The following ULK4 variants were observed in gnomAD, a reference collection of about 807,000 sequenced individuals.
ULK4 encodes inactive serine/threonine-protein kinase ULK4.
ULK4 carries 133 observed loss-of-function variants against 160.6 expected under a neutral mutation model. That is an observed-to-expected ratio of 0.83 (90% CI 0.72 to 0.96). The LOEUF (loss-of-function observed/expected upper bound fraction) is 0.96. Ranked by LOEUF, ULK4 falls within the 40% of genes least tolerant of loss-of-function variation. ULK4 has a pLI of 0.00. For synonymous variants in ULK4, 534 were observed against 539.8 expected, an observed-to-expected ratio of 0.99 and a Z score of 0.15; for missense variants, 1,580 against 1,499.5, an observed-to-expected ratio of 1.05 and a Z score of -0.89.
chr3:41,609,678 A>G (rs1240259388), intron 31 of ULK4, among the ~76,000 whole-genome samples: 1 of 152,220 alleles, frequency 6.6e-6, no homozygotes, highest in Non-Finnish European at 1.5e-5. Flanking sequence ...TTTTAATCAT[A>G]TCTTGTTCTC....
At chr3:41,598,794 T>C (rs2031865243) in intron 31 of ULK4, among the ~76,000 whole-genome samples, 1 of 152,220 alleles carries the variant, frequency 6.6e-6, no homozygotes, top group Admixed American at 6.5e-5. Flanking sequence ...TAGTAAGTGG[T>C]ATTATGTAAG....
intron 17 of ULK4, among the ~76,000 whole-genome samples, chr3:41,851,406 C>G (rs1352679579): frequency 6.6e-6 from 1 of 152,284 alleles, no homozygotes; most frequent in South Asian, 2.1e-4. Context: ...TTGAACCAGC[C>G]TTGCATCCCA....
chr3:41,646,323 A>G (rs140598674), intron 30 of ULK4, among the ~76,000 whole-genome samples: 6,517 of 152,218 alleles, frequency 0.043, 301 homozygotes, highest in African/African-American at 0.11. Flanking sequence ...TTTTGCAGCG[A>G]CTGGTACTGG....
At chr3:41,336,590 G>C (rs1487570) in intron 35 of ULK4, among the ~76,000 whole-genome samples, 1 of 152,356 alleles carries the variant, frequency 6.6e-6, no homozygotes, top group East Asian at 1.9e-4. Flanking sequence ...CAAAGGCGCA[G>C]AAGAAGAAAC....
chr3:41,659,678 A>G (rs2035075488), intron 30 of ULK4, among the ~76,000 whole-genome samples: 1 of 152,136 alleles, frequency 6.6e-6, no homozygotes, highest in Admixed American at 6.5e-5. Flanking sequence ...ATATTAAAAA[A>G]AAAAAAAGTT....
intron 32 of ULK4, among the ~76,000 whole-genome samples, chr3:41,548,271 A>G (rs908404386): frequency 6.6e-6 from 1 of 152,010 alleles, no homozygotes; most frequent in Non-Finnish European, 1.5e-5. Context: ...GGTCATTTCA[A>G]TATGTCTGTT....
At position 41,548,292 on chromosome 3, in the gene ULK4, C is replaced by T. The variant is rs530811468; in HGVS notation, c.3226+17733G>A. ...TTCAATATGTCTGTTGCCCCAGACA[C>T]ACATACACATCAGGAGGCCTGACAC... On this transcript the variant is annotated intron_variant, in intron 32 of 36. Transcript: ENST00000301831. 5.9e-5 allele frequency among the ~76,000 whole-genome samples: 9 copies of T among 152,224 alleles called. No individual in the cohort carries two copies. The East Asian group carries it at 1.7e-3, about 29-fold the overall frequency.
chr3:41,358,059 C>T (rs1292436835), intron 35 of ULK4, among the ~76,000 whole-genome samples: 1 of 152,190 alleles, frequency 6.6e-6, no homozygotes, highest in Non-Finnish European at 1.5e-5. Flanking sequence ...CAGGTTCAAA[C>T]TTGGCAACTT....
chr3:41,705,064 C>T lies in ULK4; in HGVS notation c.2774G>A (p.Arg925His), dbSNP rs200021756. 5.8e-5 allele frequency: 93 copies of T among 1,610,024 alleles called. No individual in the cohort carries two copies. Among genetic ancestry groups the T allele is most frequent in the Non-Finnish European group, 7.5e-5 (88 of 1,178,826 alleles). ...IQYPILLKDYRSTVVDYILPP... is the reference protein window; with the variant it reads ...IQYPILLKDYHSTVVDYILPP... ...AAAGCTGCCAGAACTGACCGTGGAG[C>T]GATAGTCTTTCAATAAAATAGGATA... The change falls in exon 27 of 37, where the codon CGC becomes CAC. Residue 925 changes from arginine to histidine, a missense_variant. Physicochemically the swap from Arg to His is conservative, Grantham distance 29. Coordinates refer to ENST00000301831, the MANE Select transcript of ULK4 (RefSeq NM_017886.4).
chr3:41,643,054 T>C (rs887265991), intron 30 of ULK4, among the ~76,000 whole-genome samples: 4 of 152,218 alleles, frequency 2.6e-5, no homozygotes, highest in African/African-American at 9.6e-5. Flanking sequence ...TTTTTTCTTG[T>C]ACATTTCTTT....
At chr3:41,608,728 A>T (rs28560131) in intron 31 of ULK4, among the ~76,000 whole-genome samples, 7,478 of 152,248 alleles carry the variant, frequency 0.049, 422 homozygotes, top group African/African-American at 0.13. Flanking sequence ...AGAGTTAGGG[A>T]AGAAGTTCAG....
At chr3:41,473,682 A>AAAG (rs1559629356) in intron 32 of ULK4, among the ~76,000 whole-genome samples, 1 of 150,858 alleles carries the variant, frequency 6.6e-6, no homozygotes, top group East Asian at 1.9e-4. Flanking sequence ...AAAAAAAAAA[A>AAAG]AAGAAGAACT....
intron 25 of ULK4, among the ~76,000 whole-genome samples, chr3:41,707,474 G>A (rs566012033): frequency 6.6e-6 from 1 of 152,248 alleles, no homozygotes; most frequent in South Asian, 2.1e-4. Context: ...ATCTATGAGG[G>A]GGTGAATATG....
intron 32 of ULK4, among the ~76,000 whole-genome samples, chr3:41,549,702 A>G (rs1018341323): frequency 7.2e-5 from 11 of 152,120 alleles, no homozygotes; most frequent in African/African-American, 2.4e-4. Flanking sequence ...AATATTGCCA[A>G]TCAGATACAA....
chr3:41,614,702 A>G (rs1007668803), intron 31 of ULK4, among the ~76,000 whole-genome samples: 1 of 152,074 alleles, frequency 6.6e-6, no homozygotes, highest in African/African-American at 2.4e-5. Context: ...CAGCAAATCC[A>G]CTCAGCTCTC....
rs1162613962 is a variant in ULK4, at chr3:41,931,950, C to T, written c.435G>A (p.Val145=). ...LKFSNFCLAK[V]EGENLEEFFA... ...AGAACTCTTCCAAATTTTCACCTTC[C>T]ACTTTTGCCAAGCAAAAGTTGCTAA... The change falls in exon 5 of 37, where the codon GTG becomes GTA. Residue 145 remains valine (V), a synonymous_variant. Transcript: ENST00000301831. The T allele has an allele frequency of 6.2e-7, 1 of 1,614,020 alleles. No homozygotes were observed. The highest frequency in any genetic ancestry group is 8.5e-7 in the Non-Finnish European group (1 of 1,180,024).
intron 34 of ULK4, among the ~76,000 whole-genome samples, chr3:41,431,547 C>CTTTTTTTTTTTATTTTTTTTTTTTTTTT (rs2082909796): frequency 1.0e-5 from 1 of 95,854 alleles, no homozygotes; most frequent in Non-Finnish European, 2.0e-5. Context: ...AATTCCCTCC[C>CTTTTTTTTTTTATTTTTTTTTTTTTTTT]TTTTTTTTTT....
chr3:41,488,140 G>A (rs2084610866), intron 32 of ULK4, among the ~76,000 whole-genome samples: 1 of 152,218 alleles, frequency 6.6e-6, no homozygotes, highest in South Asian at 2.1e-4. Context: ...AACCGAGTTA[G>A]AGAACAATAC....
intron 31 of ULK4, among the ~76,000 whole-genome samples, chr3:41,607,380 A>T (rs780733621): frequency 6.6e-6 from 1 of 152,142 alleles, no homozygotes; most frequent in Non-Finnish European, 1.5e-5. Context: ...GAAACACATA[A>T]GCTTTGAGCA....
Sources: allele counts gnomAD v4.1 joint callset (sites outside exome capture counted in the v4.1 genomes callset), GRCh38; gene constraint gnomAD v4.1.1; transcripts MANE v1.5; gene names NCBI Gene and HGNC (gene_info 2026-07-23, HGNC 2026-07-21).